KLHL29: variants seen among roughly 807,000 people sequenced by gnomAD.
KLHL29 encodes kelch-like protein 29.
In KLHL29, 21 loss-of-function variants were observed where a neutral mutation model predicts 80.4. The ratio of observed to expected loss-of-function variants is 0.26; its 90% confidence interval spans 0.19 to 0.38. The LOEUF (loss-of-function observed/expected upper bound fraction) is 0.38, where lower values mean the gene tolerates loss of function less well. KLHL29 is among the 10% of genes least tolerant of loss of function. The probability of loss-of-function intolerance (pLI) is 1.00; values close to 1 mark genes in which losing one functional copy is unlikely to be tolerated. For missense variants in KLHL29, 867 were observed against 1,223.9 expected, an observed-to-expected ratio of 0.71 and a Z score of 4.35; for synonymous variants, 511 against 526.8, an observed-to-expected ratio of 0.97 and a Z score of 0.41.
In KLHL29 at chr2:23,562,001, T is replaced by C. The variant is rs570522335; in HGVS notation, c.-45-151T>C. On this transcript the variant is annotated intron_variant, in intron 2 of 13. Coordinates refer to ENST00000486442, the MANE Select transcript of KLHL29 (RefSeq NM_052920.2). The surrounding 1 kb of genome is among the most constrained non-coding windows in gnomAD (Gnocchi z 4.5). Reference sequence around the variant, plus strand: ...TTGTCTGTGAAGTGGGGCTAATTAATGATCCATGCTTTGTGGGCTAGCGTG... The same window carrying C: ...TTGTCTGTGAAGTGGGGCTAATTAACGATCCATGCTTTGTGGGCTAGCGTG... 3.3e-5 allele frequency among the ~76,000 whole-genome samples: 5 copies of C among 152,324 alleles called. No homozygotes were observed. The South Asian group carries it at 1.0e-3, about 32-fold the overall frequency.
At chr2:23,603,679 G>A (rs545395112) in intron 3 of KLHL29, among the ~76,000 whole-genome samples, 1 of 152,342 alleles carries the variant, frequency 6.6e-6, no homozygotes, top group African/African-American at 2.4e-5. Context: ...TAAACACTGT[G>A]AGTCCACATC....
intron 1 of KLHL29, among the ~76,000 whole-genome samples, chr2:23,409,117 CG>C (rs1666801206): frequency 6.6e-6 from 1 of 152,112 alleles, no homozygotes; most frequent in Non-Finnish European, 1.5e-5. Context: ...GCCAGACAAA[CG>C]TGAGTATGAA....
At chr2:23,625,550 A>G (rs1351338479) in intron 3 of KLHL29, among the ~76,000 whole-genome samples, 1 of 152,218 alleles carries the variant, frequency 6.6e-6, no homozygotes, top group African/African-American at 2.4e-5. Context: ...GGGAGGACCC[A>G]CTGGCGTGCT....
At chr2:23,463,526 T>TTA (rs1233731784) in intron 1 of KLHL29, among the ~76,000 whole-genome samples, 1 of 152,164 alleles carries the variant, frequency 6.6e-6, no homozygotes, top group Non-Finnish European at 1.5e-5. Context: ...CCTCAGCTTG[T>TTA]TATATTGCAC....
chr2:23,516,342 A>C (rs1368774530), intron 2 of KLHL29, among the ~76,000 whole-genome samples: 1 of 152,204 alleles, frequency 6.6e-6, no homozygotes, highest in Non-Finnish European at 1.5e-5. Context: ...CTCAAGGCCA[A>C]GGGTCATGAT....
chr2:23,389,714 A>G (rs370638707), intron 1 of KLHL29, among the ~76,000 whole-genome samples: 2 of 152,036 alleles, frequency 1.3e-5, no homozygotes, highest in Admixed American at 6.5e-5. Flanking sequence ...GGGGCGGAAT[A>G]TATGTTTAAA....
At chr2:23,667,700 C>G (rs548446382) in intron 5 of KLHL29, 1 of 152,846 alleles carries the variant, frequency 6.5e-6, no homozygotes, top group South Asian at 2.1e-4. Context: ...GCCCTGGACT[C>G]CACCCCTAGG....
chr2:23,552,761 C>CTTTTCTTTTTTT (rs71400590), intron 2 of KLHL29, among the ~76,000 whole-genome samples: 2 of 95,576 alleles, frequency 2.1e-5, no homozygotes, highest in Admixed American at 1.3e-4. Context: ...GGTTTCTTTT[C>CTTTTCTTTTTTT]TTTTTTTTTT....
intron 5 of KLHL29, among the ~76,000 whole-genome samples, chr2:23,673,765 T>C (rs1277594480): frequency 6.7e-6 from 1 of 150,272 alleles, no homozygotes; most frequent in Non-Finnish European, 1.5e-5. Flanking sequence ...CCACACAACA[T>C]GCTCTCACAC....
At chr2:23,418,790 G>C (rs1662683681) in intron 1 of KLHL29, among the ~76,000 whole-genome samples, 1 of 151,966 alleles carries the variant, frequency 6.6e-6, no homozygotes, top group South Asian at 2.1e-4. Flanking sequence ...CCAATACGCT[G>C]GGGTTACTGT....
At chr2:23,536,739 C>A (rs1311798704) in intron 2 of KLHL29, among the ~76,000 whole-genome samples, 1 of 152,090 alleles carries the variant, frequency 6.6e-6, no homozygotes, top group East Asian at 1.9e-4. Flanking sequence ...TGGAAGGGCC[C>A]GAGCCTGTGC....
chr2:23,517,539 C>T (rs545906800), intron 2 of KLHL29, among the ~76,000 whole-genome samples: 8 of 152,340 alleles, frequency 5.3e-5, no homozygotes, highest in African/African-American at 9.6e-5. Context: ...AGCGAGACTC[C>T]GTCTCAATAA....
intron 3 of KLHL29, among the ~76,000 whole-genome samples, chr2:23,595,218 G>A (rs991376724): frequency 1.3e-5 from 2 of 152,074 alleles, no homozygotes; most frequent in Non-Finnish European, 2.9e-5. Flanking sequence ...GTGGCTGTGG[G>A]GTGTGGAAAG....
chr2:23,385,881 G>A (rs2103377851), intron 1 of KLHL29, 101 bp downstream of exon 1: 1 of 152,550 alleles, frequency 6.6e-6, no homozygotes, highest in African/African-American at 2.4e-5. Flanking sequence ...CGTGGGAGCG[G>A]GGCCGGAACC....
chr2:23,411,474 A>T (rs1666858109), intron 1 of KLHL29, among the ~76,000 whole-genome samples: 1 of 149,034 alleles, frequency 6.7e-6, no homozygotes, highest in Non-Finnish European at 1.5e-5. Flanking sequence ...GGGTAGAGAG[A>T]GGGAGATGGG....
At chr2:23,427,583 A>C (rs948447353) in intron 1 of KLHL29, among the ~76,000 whole-genome samples, 1 of 152,194 alleles carries the variant, frequency 6.6e-6, no homozygotes, top group African/African-American at 2.4e-5. Context: ...CAAAATTGCA[A>C]CCTTTCAGCG....
At chr2:23,628,962 T>A (rs1023917759) in intron 3 of KLHL29, among the ~76,000 whole-genome samples, 3 of 152,202 alleles carry the variant, frequency 2.0e-5, no homozygotes, top group Non-Finnish European at 4.4e-5. Flanking sequence ...GAGCAGGGGC[T>A]GCCCCTGCCG....
intron 3 of KLHL29, among the ~76,000 whole-genome samples, chr2:23,587,174 C>T (rs1056267370): frequency 2.0e-5 from 3 of 152,026 alleles, no homozygotes; most frequent in African/African-American, 4.8e-5. Context: ...GCTCTGAAGA[C>T]GCTCTTAACC....
At chr2:23,550,669 T>G (rs1278103865) in intron 2 of KLHL29, among the ~76,000 whole-genome samples, 1 of 152,220 alleles carries the variant, frequency 6.6e-6, no homozygotes, top group Non-Finnish European at 1.5e-5. Flanking sequence ...AATAGACTTT[T>G]GAATAGACTC....
Sources: allele counts gnomAD v4.1 joint callset (sites outside exome capture counted in the v4.1 genomes callset), GRCh38; gene constraint gnomAD v4.1.1; non-coding constraint Gnocchi (gnomAD v3.1); transcripts MANE v1.5; gene names NCBI Gene and HGNC (gene_info 2026-07-23, HGNC 2026-07-21).